Variants in SMAGP observed in about 807,000 individuals in gnomAD.
SMAGP encodes the protein small cell transmembrane and glycosylated protein.
Under a neutral mutation model 10.1 loss-of-function variants are expected in SMAGP, and 7 were observed. The observed-to-expected ratio is 0.70, with a 90% CI of 0.40 to 1.31. The LOEUF is 1.31. SMAGP is among the 50% of genes most tolerant of loss of function. SMAGP has a pLI of 0.01. For synonymous variants in SMAGP, 49 were observed against 47.2 expected (o/e 1.04, Z -0.16); for missense variants, 113 against 116.5 (o/e 0.97, Z 0.14).
intron 2 of SMAGP, among the ~76,000 whole-genome samples, chr12:51,252,017 G>C (rs1246260880): frequency 6.6e-6 from 1 of 152,076 alleles, no homozygotes; most frequent in Non-Finnish European, 1.5e-5. Context: ...TGGTGAAGCA[G>C]AAAGTGCAGA....
chr12:51,269,421 T>C lies in SMAGP; in HGVS notation c.-38-105A>G, dbSNP rs1470547561. The C allele has an allele frequency of 5.0e-6, 4 of 796,794 alleles. No individual in the cohort carries two copies. The African/African-American group carries it at 6.9e-5, about 14-fold the overall frequency. The allele number at this position is 796,794 out of a possible 1,614,324, so 49.4% of individuals were successfully genotyped here. On this transcript the variant is annotated intron_variant, in intron 1 of 3. Coordinates refer to ENST00000603798, the MANE Select transcript of SMAGP (RefSeq NM_001031628.2). Reference sequence around the variant, plus strand: ...CTGGTGCCAGGTTCTCCCAAGTCCCTTCCCCTTTTTCTCTTGTCCTCTTCT... The same window carrying C: ...CTGGTGCCAGGTTCTCCCAAGTCCCCTCCCCTTTTTCTCTTGTCCTCTTCT...
chr12:51,252,341 G>T (rs546851839), intron 2 of SMAGP, among the ~76,000 whole-genome samples: 1 of 150,514 alleles, frequency 6.6e-6, no homozygotes, highest in Non-Finnish European at 1.5e-5. Flanking sequence ...TGATCTGCCC[G>T]CCTCGGCCTC....
chr12:51,245,259 T>C lies in SMAGP; in HGVS notation c.*682A>G, dbSNP rs1944751266. ...TTCTTATTGCTTGGAAGAGAACATA[T>C]GTAAAGGCGTTAAATAGGGAAAAGA... On this transcript the variant is annotated 3_prime_UTR_variant, in exon 4 of 4. Transcript: ENST00000603798. 1.3e-5 allele frequency: 2 copies of C among 152,306 alleles called. No homozygotes were observed. The highest frequency in any genetic ancestry group is 2.1e-4 in the South Asian group (1 of 4,834). The allele number at this position is 152,306 out of a possible 1,614,324, so 9.4% of individuals were successfully genotyped here.
intron 2 of SMAGP, among the ~76,000 whole-genome samples, chr12:51,256,840 T>G (rs141055989): frequency 6.9e-4 from 104 of 151,734 alleles, no homozygotes; most frequent in Non-Finnish European, 1.2e-3. Flanking sequence ...TCATTAGATA[T>G]TTAAGACCAT....
chr12:51,248,450 TCTCTCTC>T (rs1944805378), intron 2 of SMAGP, among the ~76,000 whole-genome samples: 1 of 134,670 alleles, frequency 7.4e-6, no homozygotes, highest in Non-Finnish European at 1.6e-5. Context: ...TCTCTCTCTC[TCTCTCTC>T]TCTCTCTCTC....
intron 2 of SMAGP, among the ~76,000 whole-genome samples, chr12:51,257,475 C>A (rs1032831607): frequency 6.6e-6 from 1 of 151,678 alleles, no homozygotes; most frequent in Admixed American, 6.6e-5. Flanking sequence ...TTTGAGAGGC[C>A]GAGTGGGGAG....
chr12:51,248,418 A>G (rs1336479076), intron 2 of SMAGP, among the ~76,000 whole-genome samples: 4 of 110,348 alleles, frequency 3.6e-5, no homozygotes, highest in Admixed American at 3.2e-4. Flanking sequence ...ACACACACAC[A>G]CACACACACA....
At chr12:51,269,214 C>T (rs1461093952) in intron 2 of SMAGP, 31 bp downstream of exon 2, 1 of 1,613,412 alleles carries the variant, frequency 6.2e-7, no homozygotes, top group South Asian at 1.1e-5. Context: ...ACAATTCTTT[C>T]TCACTGGGAT....
rs1386677194 is a variant in SMAGP, at chr12:51,244,706, G to C, written c.*1235C>G. On this transcript the variant is annotated 3_prime_UTR_variant, in exon 4 of 4. Transcript: ENST00000603798. ...TTGGCTTGATTCTGAGGATACACTGGGAAAGGTGGTAGGTTGATTTTTTCT... is the reference window on the plus strand; with the variant it reads ...TTGGCTTGATTCTGAGGATACACTGCGAAAGGTGGTAGGTTGATTTTTTCT... 4 of 152,134 alleles carry C rather than the reference G, an allele frequency of 2.6e-5. No individual in the cohort carries two copies. Among genetic ancestry groups the C allele is most frequent in the Non-Finnish European group, 4.4e-5 (3 of 68,024 alleles). The allele number at this position is 152,134 out of a possible 1,614,324, so 9.4% of individuals were successfully genotyped here. A position where few individuals can be genotyped will look rare whatever the true frequency, so the allele number is the denominator to read the frequency against.
chr12:51,256,843 A>G (rs888705288), intron 2 of SMAGP, among the ~76,000 whole-genome samples: 5 of 151,866 alleles, frequency 3.3e-5, no homozygotes, highest in East Asian at 3.8e-4. Context: ...TTAGATATTT[A>G]AGACCATAGA....
intron 1 of SMAGP, 21 bp downstream of exon 1, chr12:51,270,235 C>T (rs148977360): frequency 0.011 from 1,738 of 153,260 alleles, 20 homozygotes; most frequent in Non-Finnish European, 0.018. Flanking sequence ...TCCGGCGCCC[C>T]CGCCCTTCCC....
rs1048252899 is a variant in SMAGP at position 51,252,689 on chromosome 12, C to T, written c.35-5858G>A. On this transcript the variant is annotated intron_variant, in intron 2 of 3. Coordinates refer to ENST00000603798, the MANE Select transcript of SMAGP (RefSeq NM_001031628.2). ...TACAGGCGTGAGCCACATCGCCCCCCGAAGGACAATTTAAAAAGCATTATA... is the reference window on the plus strand; with the variant it reads ...TACAGGCGTGAGCCACATCGCCCCCTGAAGGACAATTTAAAAAGCATTATA... Among the ~76,000 whole-genome samples the T allele has an allele frequency of 1.3e-5, 2 of 151,940 alleles. 1 individual carries two copies.
intron 2 of SMAGP, among the ~76,000 whole-genome samples, chr12:51,254,437 C>T (rs1463096644): frequency 6.6e-6 from 1 of 152,078 alleles, no homozygotes; most frequent in East Asian, 1.9e-4. Context: ...GTCCCAGCTA[C>T]TCAGGAGGCT....
chr12:51,248,124 A>G (rs1944797175), intron 2 of SMAGP, among the ~76,000 whole-genome samples: 1 of 152,104 alleles, frequency 6.6e-6, no homozygotes, highest in South Asian at 2.1e-4. Flanking sequence ...TGACACGTTC[A>G]GGTTTCCATC....
At chr12:51,266,879 G>A (rs1449663174) in intron 2 of SMAGP, among the ~76,000 whole-genome samples, 2 of 152,196 alleles carry the variant, frequency 1.3e-5, no homozygotes, top group African/African-American at 4.8e-5. Flanking sequence ...ACTTTGGGAG[G>A]CCGAGAAGGG....
rs1216898686 is a variant in SMAGP, at chr12:51,246,788, C to CA, written c.77dup (p.Ser27ValfsTer44). The CA allele has an allele frequency of 9.5e-6, 15 of 1,585,150 alleles. No homozygotes were observed. The highest frequency in any genetic ancestry group is 1.3e-5 in the Non-Finnish European group (15 of 1,165,794). ...CTGTGCTGGCTCCATCTTCTGGGGA[C>CA]AGGGCCTCAGTGGGCTGTAAAATTG... On this transcript the variant is annotated frameshift_variant, in exon 3 of 4. Coordinates refer to ENST00000603798, the MANE Select transcript of SMAGP (RefSeq NM_001031628.2). LOFTEE classifies it high-confidence loss of function.
intron 2 of SMAGP, among the ~76,000 whole-genome samples, chr12:51,250,525 G>C (rs1376536336): frequency 7.1e-6 from 1 of 140,096 alleles, no homozygotes; most frequent in African/African-American, 2.6e-5. Flanking sequence ...TTTTTTTGTT[G>C]TTGTTGTTGA....
At chr12:51,248,898 CACAAAAAAAAAAAA>C (rs1565656768) in intron 2 of SMAGP, among the ~76,000 whole-genome samples, 2 of 53,786 alleles carry the variant, frequency 3.7e-5, no homozygotes, top group Admixed American at 2.6e-4. Flanking sequence ...CCAAAAATAC[CACAAAAAAAAAAAA>C]AAAAAAAAAA....
rs1039483140 is a variant in SMAGP, at chr12:51,257,876, C to T, written c.35-11045G>A. 2.0e-5 allele frequency among the ~76,000 whole-genome samples: 3 copies of T among 151,976 alleles called. No homozygotes were observed. In the South Asian group the frequency reaches 6.2e-4, roughly 32 times the overall value. On this transcript the variant is annotated intron_variant, in intron 2 of 3. Coordinates refer to ENST00000603798, the MANE Select transcript of SMAGP (RefSeq NM_001031628.2). ...TTCTAAAGTAAGATCTTAACTGGGC[C>T]CAGTGGTTTGCACCTATAATCCCAG...
Sources: gnomAD v4.1 joint callset for allele counts (sites outside exome capture counted in the v4.1 genomes callset) on GRCh38, gnomAD v4.1.1 for gene constraint, MANE v1.5 for transcripts, NCBI Gene and HGNC (gene_info 2026-07-23, HGNC 2026-07-21) for gene names.